The following LRIF1 variants were observed in gnomAD, a reference collection of about 807,000 sequenced individuals.
The protein encoded by LRIF1 is ligand-dependent nuclear receptor-interacting factor 1.
A neutral mutation model predicts 52.7 loss-of-function variants in LRIF1; 32 were observed. The observed-to-expected ratio is 0.61, with a 90% CI of 0.46 to 0.82. LRIF1 has a LOEUF of 0.82. LRIF1 is among the 40% of genes least tolerant of loss of function. LRIF1 has a pLI of 0.00. For missense variants in LRIF1, 887 were observed against 892.0 expected, an observed-to-expected ratio of 0.99 and a Z score of 0.07; for synonymous variants, 323 against 317.4, an observed-to-expected ratio of 1.02 and a Z score of -0.19.
chr1:110,921,476 T>C, the LRIF1 span, among the ~76,000 whole-genome samples: 1 of 152,034 alleles, frequency 6.6e-6, no homozygotes, highest in South Asian at 2.1e-4. Context: ...TTAAAAATCA[T>C]AAAATTGAAT....
the LRIF1 span, among the ~76,000 whole-genome samples, chr1:110,919,104 G>A: frequency 3.3e-5 from 5 of 152,182 alleles, no homozygotes; most frequent in Non-Finnish European, 5.9e-5. Flanking sequence ...GCACAACAGA[G>A]TGAAACTAGA....
the LRIF1 span, among the ~76,000 whole-genome samples, chr1:110,875,482 G>A: frequency 6.7e-4 from 102 of 152,294 alleles, 1 homozygote; most frequent in East Asian, 0.017. Context: ...TTCTTGTGAG[G>A]TTACAGCCAT....
intron 3 of LRIF1, 25 bp downstream of exon 3, chr1:110,949,826 G>A (rs780071752): frequency 5.0e-6 from 8 of 1,602,062 alleles, no homozygotes; most frequent in African/African-American, 4.0e-5. Flanking sequence ...TACCTATGAA[G>A]AGCACATTAA....
At chr1:110,925,716 A>G in the LRIF1 span, among the ~76,000 whole-genome samples, 1 of 152,306 alleles carries the variant, frequency 6.6e-6, no homozygotes, top group South Asian at 2.1e-4. Context: ...ATGTAATTGT[A>G]TATGTAGAAA....
chr1:110,938,708 G>A, the LRIF1 span: 2 of 152,210 alleles, frequency 1.3e-5, no homozygotes, highest in African/African-American at 4.8e-5. Context: ...GTTCTAGCTA[G>A]AGAAGTCAGC....
At chr1:110,890,613 G>A in the LRIF1 span, among the ~76,000 whole-genome samples, 3 of 143,536 alleles carry the variant, frequency 2.1e-5, no homozygotes, top group African/African-American at 2.5e-5. Flanking sequence ...AAAGGAAAGC[G>A]AAAAGGAAAA....
chr1:110,897,989 T>C, the LRIF1 span: 1 of 604,892 alleles, frequency 1.7e-6, no homozygotes, highest in Non-Finnish European at 2.9e-6. Flanking sequence ...ACACAATAAA[T>C]GTTAGCTATT....
chr1:110,898,956 T>G, the LRIF1 span, among the ~76,000 whole-genome samples: 1 of 152,212 alleles, frequency 6.6e-6, no homozygotes, highest in African/African-American at 2.4e-5. Context: ...TCCTCACTGC[T>G]ATTCTTTAAC....
In LRIF1 at chr1:110,952,161, T is replaced by C. The variant is rs754837822; in HGVS notation, c.723A>G (p.Val241=). 2.5e-6 allele frequency: 4 copies of C among 1,614,216 alleles called. No homozygotes were observed. The South Asian group carries it at 4.4e-5, about 18-fold the overall frequency. Residue 241 remains valine, a synonymous_variant, in exon 2 of 4, where the codon GTA becomes GTG. Transcript: ENST00000369763. ...AAATGTTTTGAAAGTTCTTGGTAACTACATTTTTCACTGTATTTACAGGAG... is the reference window on the plus strand; with the variant it reads ...AAATGTTTTGAAAGTTCTTGGTAACCACATTTTTCACTGTATTTACAGGAG... ...YVSPVNTVKN[V]VTKNFQNIYP...
At position 110,947,282 on chromosome 1, in the gene LRIF1, A is replaced by ACCCC. The variant is rs1390957799; in HGVS notation, c.*676_*677insGGGG. On this transcript the variant is annotated 3_prime_UTR_variant, in exon 4 of 4. Transcript: ENST00000369763. ...AGTAACGTATGTACATAGTCCCAAA[A>ACCCC]AAAAAAAAAGCAGCATTTGCCTGGG... 412 of 152,148 alleles carry ACCCC rather than the reference A, an allele frequency of 2.7e-3. 1 individual carries two copies. Among genetic ancestry groups the ACCCC allele is most frequent in the Middle Eastern group, 0.017 (5 of 294 alleles). The allele number at this position is 152,148 out of a possible 1,614,324, so 9.4% of individuals were successfully genotyped here.
chr1:110,878,101 T>C, the LRIF1 span, among the ~76,000 whole-genome samples: 6 of 152,218 alleles, frequency 3.9e-5, no homozygotes, highest in African/African-American at 1.2e-4. Flanking sequence ...GTGCCAGTCC[T>C]CGGCTTCTCT....
At chr1:110,946,679 C>T (rs371961614), downstream of LRIF1, among the ~76,000 whole-genome samples, 43 of 105,306 alleles carry the variant, frequency 4.1e-4, no homozygotes, top group African/African-American at 1.5e-3. Flanking sequence ...TTTTTTGAGA[C>T]GGAGTCTGGC....
chr1:110,957,723 T>G (rs1369153633), intron 1 of LRIF1, among the ~76,000 whole-genome samples: 1 of 152,202 alleles, frequency 6.6e-6, no homozygotes, highest in Admixed American at 6.5e-5. Context: ...GCAGCGCCAA[T>G]ATTTTCCACA....
At chr1:110,900,101 G>A in the LRIF1 span, among the ~76,000 whole-genome samples, 2 of 152,192 alleles carry the variant, frequency 1.3e-5, no homozygotes. Flanking sequence ...GAATCTAGGA[G>A]CAGCTTAGCT....
At chr1:110,884,778 T>A in the LRIF1 span, among the ~76,000 whole-genome samples, 1 of 152,120 alleles carries the variant, frequency 6.6e-6, no homozygotes, top group Non-Finnish European at 1.5e-5. Context: ...TTCCCTTTTA[T>A]TAGTGTTAGT....
the LRIF1 span, among the ~76,000 whole-genome samples, chr1:110,935,566 T>G: frequency 6.6e-6 from 1 of 152,202 alleles, no homozygotes; most frequent in Non-Finnish European, 1.5e-5. Context: ...TATTGAAGAA[T>G]GCATCAGAAT....
rs974248922 is a variant in LRIF1, at chr1:110,948,316, G to A, written c.1953C>T (p.Asn651=). The A allele has an allele frequency of 9.9e-6, 16 of 1,613,976 alleles. No homozygotes were observed. In the African/African-American group the frequency reaches 1.5e-4, roughly 15 times the overall value. Residue 651 remains asparagine, a synonymous_variant, in exon 4 of 4, where the codon AAC becomes AAT. Transcript: ENST00000369763. Reference sequence around the variant, plus strand: ...CATTAGCTTCCCCATTTATGATTGCGTTATAAGCATTCTCTGTTTTTCTCT... The same window carrying A: ...CATTAGCTTCCCCATTTATGATTGCATTATAAGCATTCTCTGTTTTTCTCT... ...IKKRKTENAY[N]AIINGEANVT...
At chr1:110,900,368 TTTG>T in the LRIF1 span, among the ~76,000 whole-genome samples, 2 of 152,068 alleles carry the variant, frequency 1.3e-5, no homozygotes, top group African/African-American at 2.4e-5. Context: ...GTTTGTTGTT[TTTG>T]TTGTTGTTGT....
the LRIF1 span, chr1:110,892,966 G>T: frequency 5.6e-6 from 1 of 179,252 alleles, no homozygotes; most frequent in Non-Finnish European, 1.2e-5. Context: ...GCCAAAGGAT[G>T]CTTCCTTAAC....
Sources: allele counts gnomAD v4.1 joint callset (sites outside exome capture counted in the v4.1 genomes callset), GRCh38; gene constraint gnomAD v4.1.1; transcripts MANE v1.5; gene names NCBI Gene and HGNC (gene_info 2026-07-23, HGNC 2026-07-21).